The following MYO18B variants were observed in gnomAD, a reference collection of about 807,000 sequenced individuals.
MYO18B encodes myosin XVIIIB, also known as unconventional myosin-XVIIIb.
In MYO18B, 204 loss-of-function variants were observed where a neutral mutation model predicts 273.0. The ratio of observed to expected loss-of-function variants is 0.75; its 90% CI spans 0.67 to 0.84. The LOEUF (loss-of-function observed/expected upper bound fraction) is 0.84. Ranked by LOEUF, MYO18B falls within the 40% of genes least tolerant of loss-of-function variation. MYO18B has a pLI of 0.00. For synonymous variants in MYO18B, 1,330 were observed against 1,305.7 expected (o/e 1.02, Z -0.40); for missense variants, 3,212 against 3,287.6 (o/e 0.98, Z 0.56).
chr22:25,829,019 A>G, intron 15 of MYO18B, 51 bp downstream of exon 15: 1 of 1,582,830 alleles, frequency 6.3e-7, no homozygotes, highest in Non-Finnish European at 8.6e-7. Flanking sequence ...GGATGGTGTA[A>G]GGTCAGATGG....
intron 34 of MYO18B, among the ~76,000 whole-genome samples, chr22:25,943,894 G>A (rs1307322625): frequency 1.3e-5 from 2 of 151,552 alleles, no homozygotes; most frequent in East Asian, 1.9e-4. Context: ...TAATTTTTTT[G>A]TATTTTTAAT....
intron 42 of MYO18B, among the ~76,000 whole-genome samples, chr22:26,021,367 G>A (rs1336298042): frequency 6.6e-6 from 1 of 152,158 alleles, no homozygotes; most frequent in Non-Finnish European, 1.5e-5. Flanking sequence ...GACAAGCACT[G>A]GAGCATGATT....
chr22:25,938,911 G>C (rs2092612168), intron 34 of MYO18B, among the ~76,000 whole-genome samples: 1 of 152,114 alleles, frequency 6.6e-6, no homozygotes, highest in African/African-American at 2.4e-5. Context: ...TTTCATTCCT[G>C]GGCTCAAGGA....
At chr22:25,840,824 A>G (rs2269631) in intron 17 of MYO18B, among the ~76,000 whole-genome samples, 50,537 of 151,994 alleles carry the variant, frequency 0.33, 9,102 homozygotes, top group East Asian at 0.67. Context: ...CATGAGGTCT[A>G]TGGTGTCAGT....
intron 11 of MYO18B, among the ~76,000 whole-genome samples, chr22:25,794,783 C>T (rs1428896420): frequency 1.3e-5 from 2 of 152,186 alleles, no homozygotes; most frequent in African/African-American, 2.4e-5. Flanking sequence ...GGATTACAGG[C>T]GTGAGCCACT....
At chr22:26,047,316 C>T in the MYO18B span, among the ~76,000 whole-genome samples, 5 of 151,974 alleles carry the variant, frequency 3.3e-5, no homozygotes, top group Non-Finnish European at 5.9e-5. Flanking sequence ...TTAGTAGAGA[C>T]GGGGTTTCAC....
chr22:25,972,790 T>A (rs1213289291), intron 39 of MYO18B, among the ~76,000 whole-genome samples: 1 of 151,988 alleles, frequency 6.6e-6, no homozygotes, highest in Non-Finnish European at 1.5e-5. Flanking sequence ...ACCCCTTCTC[T>A]ACTAAAAATA....
At chr22:25,792,134 C>T (rs1370436233) in intron 11 of MYO18B, among the ~76,000 whole-genome samples, 1 of 152,184 alleles carries the variant, frequency 6.6e-6, no homozygotes, top group Non-Finnish European at 1.5e-5. Context: ...CCTTGGATGA[C>T]ACCAAGGATT....
chr22:25,958,582 A>G (rs967559009), intron 39 of MYO18B, among the ~76,000 whole-genome samples: 3 of 152,198 alleles, frequency 2.0e-5, no homozygotes, highest in African/African-American at 7.2e-5. Flanking sequence ...ACCAGCTATG[A>G]GCATGGCACA....
chr22:25,980,315 A>G (rs189901863), intron 39 of MYO18B, among the ~76,000 whole-genome samples: 2 of 152,340 alleles, frequency 1.3e-5, no homozygotes, highest in Non-Finnish European at 1.5e-5. Flanking sequence ...CCAGAAAGCT[A>G]TAAAGACCCT....
intron 21 of MYO18B, among the ~76,000 whole-genome samples, chr22:25,853,328 T>G (rs2090477520): frequency 6.6e-6 from 1 of 152,248 alleles, no homozygotes; most frequent in Non-Finnish European, 1.5e-5. Flanking sequence ...GGTGTCTTCT[T>G]AGTTCTTCTT....
chr22:25,769,983 T>C, intron 4 of MYO18B, 127 bp from the exon 5 acceptor site: 1 of 961,424 alleles, frequency 1.0e-6, no homozygotes, highest in Non-Finnish European at 1.7e-6. Context: ...ACACTCCCTC[T>C]CCTGTTCTCC....
At chr22:26,051,964 C>T in the MYO18B span, among the ~76,000 whole-genome samples, 1 of 152,186 alleles carries the variant, frequency 6.6e-6, no homozygotes, top group Admixed American at 6.5e-5. Context: ...CATTTTTTAA[C>T]CAGTCCCTCT....
At chr22:26,002,772 G>A (rs1601808087) in intron 40 of MYO18B, among the ~76,000 whole-genome samples, 2 of 150,024 alleles carry the variant, frequency 1.3e-5, no homozygotes, top group East Asian at 2.0e-4. Flanking sequence ...TGTGTGGGTA[G>A]CATATTTGTT....
intron 36 of MYO18B, among the ~76,000 whole-genome samples, chr22:25,948,444 T>G (rs1329744026): frequency 2.3e-5 from 3 of 130,860 alleles, no homozygotes; most frequent in East Asian, 4.4e-4. Context: ...CCTTCCTTCC[T>G]TCCTTCCTTC....
chr22:26,010,119 C>T lies in MYO18B; in HGVS notation c.6470+5264C>T, dbSNP rs147565115. 1.4e-3 allele frequency among the ~76,000 whole-genome samples: 208 copies of T among 152,192 alleles called. 4 individuals are homozygous for T. In the South Asian group the frequency reaches 0.024, roughly 18 times the overall value. ...TCCCCTCTCTCATCCCCATATTCAA[C>T]GAATCCGTAAGTCTTGTATTCTACC... On this transcript the variant is annotated intron_variant, in intron 42 of 43. Coordinates refer to ENST00000335473, the MANE Select transcript of MYO18B (RefSeq NM_032608.7).
At chr22:25,945,584 G>A (rs1033359702) in intron 34 of MYO18B, among the ~76,000 whole-genome samples, 12 of 152,116 alleles carry the variant, frequency 7.9e-5, no homozygotes, top group African/African-American at 2.9e-4. Flanking sequence ...TAGTTGTGAA[G>A]ACATGAGGGC....
intron 40 of MYO18B, 44 bp downstream of exon 40, chr22:25,992,537 C>A: frequency 6.2e-7 from 1 of 1,610,814 alleles, no homozygotes; most frequent in Non-Finnish European, 8.5e-7. Flanking sequence ...AGCAGGTGGG[C>A]GGCATCCTGG....
At chr22:25,994,856 T>C (rs1192883039) in intron 40 of MYO18B, among the ~76,000 whole-genome samples, 1 of 152,236 alleles carries the variant, frequency 6.6e-6, no homozygotes, top group Non-Finnish European at 1.5e-5. Context: ...ATGGCTGTAG[T>C]TACAACCATC....
Sources: allele counts gnomAD v4.1 joint callset (sites outside exome capture counted in the v4.1 genomes callset), GRCh38; gene constraint gnomAD v4.1.1; transcripts MANE v1.5; gene names NCBI Gene and HGNC (gene_info 2026-07-23, HGNC 2026-07-21).